The following SERTAD2 variants were observed in gnomAD, a reference collection of about 807,000 sequenced individuals.
The protein encoded by SERTAD2 is SERTA domain containing 2.
SERTAD2 carries 2 observed loss-of-function variants against 15.4 expected under a neutral mutation model. The ratio of observed to expected loss-of-function variants is 0.13; its 90% CI spans 0.05 to 0.41. The LOEUF (loss-of-function observed/expected upper bound fraction) is 0.41, where lower values mean the gene tolerates loss of function less well. Among genes scored for constraint, SERTAD2 ranks in the 10% least tolerant of loss-of-function variants. The pLI, the probability that SERTAD2 is intolerant of heterozygous loss-of-function variation, is 0.99. For synonymous variants in SERTAD2, 180 were observed against 178.0 expected (o/e 1.01, Z -0.09); for missense variants, 333 against 409.7 (o/e 0.81, Z 1.62).
intron 1 of SERTAD2, among the ~76,000 whole-genome samples, chr2:64,639,557 G>A (rs1674726393): frequency 6.6e-6 from 1 of 152,182 alleles, no homozygotes; most frequent in South Asian, 2.1e-4. Flanking sequence ...CGGTTTTCTG[G>A]AGGAGAGGTA....
intron 1 of SERTAD2, among the ~76,000 whole-genome samples, chr2:64,642,362 C>T (rs888691412): frequency 2.6e-5 from 4 of 151,960 alleles, no homozygotes; most frequent in African/African-American, 9.7e-5. Context: ...ACAGTACTTA[C>T]GTTTAAAAGA....
In SERTAD2 at chr2:64,636,061, T is replaced by C. The variant is rs1050942635; in HGVS notation, c.811A>G (p.Met271Val). ...AGGTCGTCGGCAGACACAGGGGCCA[T>C]TTTTGAGGCTGTCCCTGATGAGGAA... ...CTSSSGTASK[M>V]APVSADDLLK... Residue 271 changes from methionine (M) to valine (V), a missense_variant, in exon 2 of 2, where the codon ATG becomes GTG. Coordinates refer to ENST00000313349, the MANE Select transcript of SERTAD2 (RefSeq NM_014755.3). 6.2e-7 allele frequency: 1 copy of C among 1,614,128 alleles called. No individual in the cohort carries two copies. Among genetic ancestry groups the C allele is most frequent in the Non-Finnish European group, 8.5e-7 (1 of 1,180,014 alleles).
Position 64,632,961 on chromosome 2 carries a change from A to G in SERTAD2, c.*2966T>C, listed in dbSNP as rs2104333885. 1 of 152,754 alleles carries G rather than the reference A, an allele frequency of 6.5e-6. No homozygotes were observed. Among genetic ancestry groups the G allele is most frequent in the East Asian group, 1.9e-4 (1 of 5,182 alleles). The allele number at this position is 152,754 out of a possible 1,614,324, so 9.5% of individuals were successfully genotyped here. ...ACTTCATTGCACATCAGTGTCAATA[A>G]CTGTCCTCTCCCAGCCCCAGCTCGG... On this transcript the variant is annotated 3_prime_UTR_variant, in exon 2 of 2. Coordinates refer to ENST00000313349, the MANE Select transcript of SERTAD2 (RefSeq NM_014755.3).
intron 1 of SERTAD2, among the ~76,000 whole-genome samples, chr2:64,647,657 T>C (rs1331027711): frequency 8.5e-6 from 1 of 118,120 alleles, no homozygotes; most frequent in African/African-American, 3.3e-5. Flanking sequence ...GCCAAAAGTA[T>C]GTGACAGTTT....
rs1342907837 is a variant in SERTAD2, at chr2:64,636,450, T to G, written c.422A>C (p.Asp141Ala). The G allele has an allele frequency of 1.2e-6, 2 of 1,614,102 alleles. No homozygotes were observed. The highest frequency in any genetic ancestry group is 1.7e-6 in the Non-Finnish European group (2 of 1,180,024). The change falls in exon 2 of 2, where the codon GAC becomes GCC. Residue 141 changes from aspartate to alanine, a missense_variant. Coordinates refer to ENST00000313349, the MANE Select transcript of SERTAD2 (RefSeq NM_014755.3). ...TPASLLEDDD[D>A]TFCTSQAMQP... ...CATGGCCTGGGAGGTGCAAAACGTG[T>G]CATCGTCGTCCTCGAGCAGTGAGGC...
intron 1 of SERTAD2, among the ~76,000 whole-genome samples, chr2:64,645,576 G>A (rs1384879905): frequency 6.6e-6 from 1 of 152,164 alleles, no homozygotes; most frequent in African/African-American, 2.4e-5. Context: ...CTGGAGGTTT[G>A]TCAAATATAA....
intron 1 of SERTAD2, among the ~76,000 whole-genome samples, chr2:64,639,727 A>G (rs1380098344): frequency 6.6e-6 from 1 of 152,252 alleles, no homozygotes; most frequent in Non-Finnish European, 1.5e-5. Context: ...AAAAGTATAC[A>G]GGCCATGCAA....
At chr2:64,644,025 C>A (rs904006929) in intron 1 of SERTAD2, among the ~76,000 whole-genome samples, 3 of 152,188 alleles carry the variant, frequency 2.0e-5, no homozygotes, top group Non-Finnish European at 4.4e-5. Context: ...GCCTTTAACC[C>A]AACGCCAACA....
intron 1 of SERTAD2, among the ~76,000 whole-genome samples, chr2:64,645,648 CAT>C (rs535898000): frequency 1.7e-3 from 256 of 152,212 alleles, no homozygotes; most frequent in Non-Finnish European, 3.2e-3. Flanking sequence ...TAAGCAAAAA[CAT>C]AGTCAAATTC....
chr2:64,642,797 T>G (rs1054796704), intron 1 of SERTAD2, among the ~76,000 whole-genome samples: 7 of 152,320 alleles, frequency 4.6e-5, no homozygotes, highest in African/African-American at 1.4e-4. Flanking sequence ...GCTGGCTTGC[T>G]GGGTTTCTCT....
intron 1 of SERTAD2, among the ~76,000 whole-genome samples, chr2:64,650,790 A>C (rs992234783): frequency 3.9e-5 from 6 of 152,222 alleles, no homozygotes; most frequent in Admixed American, 3.9e-4. Flanking sequence ...TGGCACTTTT[A>C]GATTTTCATG....
intron 1 of SERTAD2, among the ~76,000 whole-genome samples, chr2:64,645,918 T>C (rs1674891131): frequency 6.7e-6 from 1 of 148,782 alleles, no homozygotes; most frequent in Admixed American, 6.8e-5. Context: ...CTAAGGATTC[T>C]GGCTAAAAGT....
Position 64,636,960 on chromosome 2 carries a change from G to C in SERTAD2, c.-4-85C>G, listed in dbSNP as rs143511258. Reference sequence around the variant, plus strand: ...AAAAAGAGACTGATTTAGAGGGCAGGACTTGGACCTCAGTTTCCTGCCCAG... The same window carrying C: ...AAAAAGAGACTGATTTAGAGGGCAGCACTTGGACCTCAGTTTCCTGCCCAG... On this transcript the variant is annotated intron_variant, in intron 1 of 1. Coordinates refer to ENST00000313349, the MANE Select transcript of SERTAD2 (RefSeq NM_014755.3). The C allele has an allele frequency of 8.9e-4, 870 of 976,664 alleles. 7 individuals are homozygous for C. The African/African-American group carries it at 0.013, about 14-fold the overall frequency. 60.5% of individuals were successfully genotyped at this position (976,664 alleles called of 1,614,324 possible). A position where few individuals can be genotyped will look rare whatever the true frequency, so the allele number is the denominator to read the frequency against.
At chr2:64,638,050 G>C (rs1378656294) in intron 1 of SERTAD2, among the ~76,000 whole-genome samples, 3 of 152,160 alleles carry the variant, frequency 2.0e-5, no homozygotes, top group African/African-American at 7.2e-5. Flanking sequence ...TTGGTGTTCG[G>C]ACCAGGATCG....
intron 1 of SERTAD2, among the ~76,000 whole-genome samples, chr2:64,652,554 CG>C (rs1675034949): frequency 6.6e-6 from 1 of 152,174 alleles, no homozygotes; most frequent in African/African-American, 2.4e-5. Context: ...AATCAAAAAG[CG>C]TATTTCATGA....
At chr2:64,649,121 A>T (rs1193069840) in intron 1 of SERTAD2, among the ~76,000 whole-genome samples, 1 of 152,250 alleles carries the variant, frequency 6.6e-6, no homozygotes, top group Non-Finnish European at 1.5e-5. Flanking sequence ...TGCCAGCTCG[A>T]TATCTCATTA....
chr2:64,650,955 G>GCT (rs1674997094), intron 1 of SERTAD2, among the ~76,000 whole-genome samples: 1 of 152,062 alleles, frequency 6.6e-6, no homozygotes, highest in South Asian at 2.1e-4. Flanking sequence ...GCCTGCGCTT[G>GCT]CTCTCTCTCT....
intron 1 of SERTAD2, among the ~76,000 whole-genome samples, chr2:64,650,929 A>G (rs1190311076): frequency 1.3e-5 from 2 of 152,318 alleles, no homozygotes; most frequent in Admixed American, 6.5e-5. Context: ...CTTTGGACTC[A>G]GTAATCAGAG....
rs772856400 is a variant in SERTAD2, at chr2:64,636,226, C to T, written c.646G>A (p.Ala216Thr). The T allele has an allele frequency of 1.6e-5, 26 of 1,614,046 alleles. No individual in the cohort carries two copies. The African/African-American group carries it at 1.7e-4, about 11-fold the overall frequency. ...GAGTCCATCAGTTTTGAGTCATCTG[C>T]GCGGCTCTCTTGAGGACCGTCGAGT... The part of the protein sequence containing the change: ...QKLDGPQESR[A>T]DDSKLMDSLP... The change falls in exon 2 of 2, where the codon GCA (alanine) becomes ACA (threonine). Residue 216 changes from alanine (A) to threonine (T), a missense_variant. Physicochemically the swap from Ala to Thr is moderately conservative, Grantham distance 58. Coordinates refer to ENST00000313349, the MANE Select transcript of SERTAD2 (RefSeq NM_014755.3).
Sources: allele counts gnomAD v4.1 joint callset (sites outside exome capture counted in the v4.1 genomes callset), GRCh38; gene constraint gnomAD v4.1.1; transcripts MANE v1.5; gene names NCBI Gene and HGNC (gene_info 2026-07-23, HGNC 2026-07-21).